Variants in SLIT1 observed in about 807,000 individuals in gnomAD.
The protein encoded by SLIT1 is slit homolog 1 protein.
In SLIT1, 66 loss-of-function variants were observed where a neutral mutation model predicts 186.1. That is an observed-to-expected ratio of 0.35 (90% CI 0.29 to 0.44). SLIT1 has a LOEUF of 0.44. Ranked by LOEUF, SLIT1 falls within the 20% of genes least tolerant of loss-of-function variation. The pLI, the probability that SLIT1 is intolerant of heterozygous loss-of-function variation, is 1.00. For missense variants in SLIT1, 1,638 were observed against 2,037.4 expected (o/e 0.80, Z 3.77); for synonymous variants, 761 against 833.8 (o/e 0.91, Z 1.50).
rs948685716 is a variant in SLIT1, at chr10:97,021,525, A to C, written c.2583-112T>G. ...GGGGCTGGCAAAAATCTTAGCCTCCATTTCATGAGCATTTACTGTATAGTC... is the reference window on the plus strand; with the variant it reads ...GGGGCTGGCAAAAATCTTAGCCTCCCTTTCATGAGCATTTACTGTATAGTC... On this transcript the variant is annotated intron_variant, in intron 25 of 36. Transcript: ENST00000266058. This position sits in a 1 kb window ranked among gnomAD's most constrained non-coding sequence, Gnocchi z 4.5. The C allele has an allele frequency of 1.2e-5, 11 of 892,452 alleles. No homozygotes were observed. The highest frequency in any genetic ancestry group is 1.7e-5 in the African/African-American group (1 of 57,528). The allele number at this position is 892,452 out of a possible 1,614,324, so 55.3% of individuals were successfully genotyped here.
intron 4 of SLIT1, among the ~76,000 whole-genome samples, chr10:97,083,098 T>C (rs2134656067): frequency 6.6e-6 from 1 of 152,124 alleles, no homozygotes; most frequent in East Asian, 1.9e-4. Context: ...ATATTTTTAT[T>C]TATTTATTTA....
At chr10:97,027,397 A>G (rs934341923) in intron 25 of SLIT1, among the ~76,000 whole-genome samples, 1 of 152,244 alleles carries the variant, frequency 6.6e-6, no homozygotes. Flanking sequence ...ACACATGAAT[A>G]TAAGTACACA....
At chr10:97,141,022 C>T (rs772780939) in intron 4 of SLIT1, among the ~76,000 whole-genome samples, 15 of 152,264 alleles carry the variant, frequency 9.9e-5, no homozygotes, top group African/African-American at 1.7e-4. Flanking sequence ...TCCGAAACAC[C>T]GCTTGGGTCG....
chr10:97,070,726 C>T (rs1051794967), intron 4 of SLIT1, among the ~76,000 whole-genome samples: 17 of 152,218 alleles, frequency 1.1e-4, no homozygotes, highest in African/African-American at 3.1e-4. Context: ...CTTCACCACA[C>T]GCCAAATCTG....
intron 4 of SLIT1, among the ~76,000 whole-genome samples, chr10:97,134,974 C>T (rs1457068178): frequency 6.6e-6 from 1 of 152,214 alleles, no homozygotes; most frequent in Non-Finnish European, 1.5e-5. Flanking sequence ...CAGGACCCAC[C>T]AGCTCTGAAA....
chr10:97,044,798 T>C (rs951600795), intron 18 of SLIT1, among the ~76,000 whole-genome samples: 1 of 152,152 alleles, frequency 6.6e-6, no homozygotes, highest in African/African-American at 2.4e-5. Context: ...CTAACAAGAG[T>C]ATTATCATGC....
chr10:97,069,161 G>A (rs1393917207), intron 4 of SLIT1, among the ~76,000 whole-genome samples: 1 of 152,202 alleles, frequency 6.6e-6, no homozygotes, highest in African/African-American at 2.4e-5. Context: ...TTTAGAGCAG[G>A]GCTGTACAGG....
At chr10:97,044,816 GTGAACT>G (rs1848721320) in intron 18 of SLIT1, among the ~76,000 whole-genome samples, 1 of 152,136 alleles carries the variant, frequency 6.6e-6, no homozygotes, top group Non-Finnish European at 1.5e-5. Flanking sequence ...TGCATTATAC[GTGAACT>G]TCACAATAAA....
At chr10:97,057,412 A>G in intron 11 of SLIT1, 131 bp from the exon 12 acceptor site, 1 of 647,958 alleles carries the variant, frequency 1.5e-6, no homozygotes, top group Non-Finnish European at 2.7e-6. Context: ...AATGGTGTAT[A>G]TTTGTTATAG....
intron 4 of SLIT1, among the ~76,000 whole-genome samples, chr10:97,096,059 T>A (rs1011898521): frequency 1.3e-5 from 2 of 152,014 alleles, no homozygotes; most frequent in Non-Finnish European, 2.9e-5. Context: ...AGAAAGAATC[T>A]CTCACCCTGA....
intron 5 of SLIT1, among the ~76,000 whole-genome samples, chr10:97,065,086 T>C (rs1032576588): frequency 5.3e-5 from 8 of 151,974 alleles, no homozygotes; most frequent in Non-Finnish European, 1.2e-4. Context: ...TAAGTAAAAG[T>C]TATATTCTTC....
At chr10:97,115,665 G>C (rs1207511333) in intron 4 of SLIT1, among the ~76,000 whole-genome samples, 2 of 152,008 alleles carry the variant, frequency 1.3e-5, no homozygotes, top group African/African-American at 4.8e-5. Context: ...CTGGGTCATT[G>C]CTGAGGGGAG....
intron 4 of SLIT1, among the ~76,000 whole-genome samples, chr10:97,070,283 T>C (rs1848990633): frequency 6.6e-6 from 1 of 152,214 alleles, no homozygotes; most frequent in Admixed American, 6.5e-5. Context: ...TGATGACTCA[T>C]CCAGCGTTGC....
At chr10:97,164,708 G>A (rs1037877134) in intron 2 of SLIT1, 111 bp downstream of exon 2, 21 of 799,730 alleles carry the variant, frequency 2.6e-5, no homozygotes, top group Admixed American at 3.5e-5. Flanking sequence ...GACTGACTCC[G>A]TGGTAGAGGG....
chr10:97,153,555 G>A (rs571108860), intron 4 of SLIT1: 1 of 66,860 alleles, frequency 1.5e-5, no homozygotes, highest in South Asian at 3.6e-4. Context: ...TAAGGGAATA[G>A]GTCCCACTCC....
chr10:97,002,508 A>G (rs1848320315), intron 35 of SLIT1, 139 bp from the exon 36 acceptor site: 1 of 760,394 alleles, frequency 1.3e-6, no homozygotes, highest in East Asian at 2.7e-5. Flanking sequence ...ACTGAAACAA[A>G]GGGAGTTGCA....
intron 22 of SLIT1, among the ~76,000 whole-genome samples, chr10:97,035,527 G>C (rs898929993): frequency 1.3e-5 from 2 of 152,098 alleles, no homozygotes; most frequent in Non-Finnish European, 1.5e-5. Context: ...CTCTCGCACC[G>C]TGCCCTCCTC....
chr10:97,021,496 A>T lies in SLIT1; in HGVS notation c.2583-83T>A. On this transcript the variant is annotated intron_variant, in intron 25 of 36. Transcript: ENST00000266058. This position sits in a 1 kb window ranked among gnomAD's most constrained non-coding sequence, Gnocchi z 4.5. ...GGGAACCTAGAGTCCCAGGCACTGC[A>T]CCAGGGGCTGGCAAAAATCTTAGCC... 2 of 1,330,190 alleles carry T rather than the reference A, an allele frequency of 1.5e-6. No individual in the cohort carries two copies. Among genetic ancestry groups the T allele is most frequent in the Non-Finnish European group, 2.1e-6 (2 of 972,344 alleles). 82.4% of individuals were successfully genotyped at this position (1,330,190 alleles called of 1,614,324 possible).
At chr10:97,016,165 C>T (rs533422344) in intron 28 of SLIT1, among the ~76,000 whole-genome samples, 4 of 151,848 alleles carry the variant, frequency 2.6e-5, no homozygotes, top group Non-Finnish European at 5.9e-5. Flanking sequence ...AAAAATTAGC[C>T]GGGTGTGGTG....
Sources: gnomAD v4.1 joint callset for allele counts (sites outside exome capture counted in the v4.1 genomes callset) on GRCh38, gnomAD v4.1.1 for gene constraint, Gnocchi (gnomAD v3.1) non-coding constraint, MANE v1.5 for transcripts, NCBI Gene and HGNC (gene_info 2026-07-23, HGNC 2026-07-21) for gene names.